Variants in UBE2E2 observed in about 807,000 individuals in gnomAD.
The protein encoded by UBE2E2 is ubiquitin conjugating enzyme E2 E2.
A neutral mutation model predicts 24.7 loss-of-function variants in UBE2E2; 6 were observed. That is an observed-to-expected ratio of 0.24 (90% CI 0.13 to 0.48). The LOEUF (loss-of-function observed/expected upper bound fraction) is 0.48. Among genes scored for constraint, UBE2E2 ranks in the 20% least tolerant of loss-of-function variants. The pLI is 0.99. For missense variants in UBE2E2, 169 were observed against 245.0 expected (o/e 0.69, Z 2.07); for synonymous variants, 104 against 83.6 (o/e 1.24, Z -1.33).
chr3:23,590,317 C>A lies in UBE2E2; in HGVS notation c.*486C>A, dbSNP rs1240506770. On this transcript the variant is annotated 3_prime_UTR_variant, in exon 6 of 6. Coordinates refer to ENST00000396703, the MANE Select transcript of UBE2E2 (RefSeq NM_152653.4). The stretch of plus-strand genomic sequence containing the variant: ...TAGGGTTAATTTTTTGTACTGAAGT[C>A]TTTATTGGTGGGTGCATGCTACTGG... 6.4e-6 allele frequency: 1 copy of A among 155,360 alleles called. No individual in the cohort carries two copies. The highest frequency in any genetic ancestry group is 6.3e-5 in the Admixed American group (1 of 15,908). 9.6% of individuals were successfully genotyped at this position (155,360 alleles called of 1,614,324 possible). A position where few individuals can be genotyped will look rare whatever the true frequency, so the allele number is the denominator to read the frequency against.
At chr3:23,266,123 A>C (rs1698041786) in intron 3 of UBE2E2, among the ~76,000 whole-genome samples, 2 of 152,202 alleles carry the variant, frequency 1.3e-5, no homozygotes, top group African/African-American at 4.8e-5. Context: ...GTGTCTTTTA[A>C]TTTGAGCATT....
chr3:23,483,875 TTTATTCAAAGA>T (rs1056141854), intron 3 of UBE2E2, among the ~76,000 whole-genome samples: 7 of 152,290 alleles, frequency 4.6e-5, no homozygotes, highest in Admixed American at 3.9e-4. Flanking sequence ...GTGGACTCCT[TTTATTCAAAGA>T]GTATTTAAAG....
chr3:23,244,923 A>G (rs1399090780), intron 3 of UBE2E2, among the ~76,000 whole-genome samples: 1 of 152,154 alleles, frequency 6.6e-6, no homozygotes, highest in Admixed American at 6.5e-5. Flanking sequence ...TGATTTATTT[A>G]ATTATAGAAT....
Position 23,406,895 on chromosome 3 carries a change from C to T in UBE2E2, c.228-92713C>T, listed in dbSNP as rs548918405. On this transcript the variant is annotated intron_variant, in intron 3 of 5. Transcript: ENST00000396703. ...CTAAACTGTGCCACAGAGTATTCAA[C>T]TTAATTCACTTAGCTCTCTTGGCAC... 2.6e-5 allele frequency among the ~76,000 whole-genome samples: 4 copies of T among 152,312 alleles called. No homozygotes were observed. In the South Asian group the frequency reaches 8.3e-4, roughly 32 times the overall value.
intron 5 of UBE2E2, among the ~76,000 whole-genome samples, chr3:23,580,549 T>A (rs1365563881): frequency 6.6e-6 from 1 of 152,246 alleles, no homozygotes; most frequent in Non-Finnish European, 1.5e-5. Context: ...CCAAAAAATA[T>A]GTGTGACTCA....
At chr3:23,285,760 T>G (rs1698602185) in intron 3 of UBE2E2, among the ~76,000 whole-genome samples, 1 of 152,184 alleles carries the variant, frequency 6.6e-6, no homozygotes, top group Non-Finnish European at 1.5e-5. Context: ...AGGTGTGCAG[T>G]GGCTCTCACT....
At chr3:23,545,567 C>A (rs1695503909) in intron 5 of UBE2E2, among the ~76,000 whole-genome samples, 2 of 152,138 alleles carry the variant, frequency 1.3e-5, no homozygotes, top group Admixed American at 6.5e-5. Flanking sequence ...AATGGAGTCT[C>A]CTATGTCTAC....
chr3:23,216,506 A>G (rs1305048830), intron 2 of UBE2E2, among the ~76,000 whole-genome samples: 1 of 152,148 alleles, frequency 6.6e-6, no homozygotes, highest in African/African-American at 2.4e-5. Flanking sequence ...ATTTTTTGGT[A>G]TTTGATTTAA....
At chr3:23,372,593 G>T (rs1332020926) in intron 3 of UBE2E2, among the ~76,000 whole-genome samples, 2 of 152,144 alleles carry the variant, frequency 1.3e-5, no homozygotes, top group Admixed American at 6.5e-5. Flanking sequence ...GCACCATGGG[G>T]TCTGTACAGT....
chr3:23,290,354 T>C (rs1467026938), intron 3 of UBE2E2, among the ~76,000 whole-genome samples: 2 of 152,214 alleles, frequency 1.3e-5, no homozygotes, highest in East Asian at 3.8e-4. Context: ...TCTGAGACTG[T>C]AATGTATGTG....
chr3:23,389,447 T>C (rs2125359345), intron 3 of UBE2E2, among the ~76,000 whole-genome samples: 1 of 152,276 alleles, frequency 6.6e-6, no homozygotes, highest in South Asian at 2.1e-4. Flanking sequence ...CCGTCTTCCC[T>C]CCCAAGACAT....
At chr3:23,249,653 ATTT>A (rs201067293) in intron 3 of UBE2E2, among the ~76,000 whole-genome samples, 1 of 148,612 alleles carries the variant, frequency 6.7e-6, no homozygotes, top group African/African-American at 2.5e-5. Flanking sequence ...ATTAACTCAG[ATTT>A]TTTTTTTTTT....
At chr3:23,467,561 G>A (rs970003205) in intron 3 of UBE2E2, among the ~76,000 whole-genome samples, 1 of 152,112 alleles carries the variant, frequency 6.6e-6, no homozygotes, top group Non-Finnish European at 1.5e-5. Flanking sequence ...ATTAATGTAG[G>A]ATACTATAAA....
chr3:23,315,190 C>G (rs922740449), intron 3 of UBE2E2, among the ~76,000 whole-genome samples: 1 of 152,140 alleles, frequency 6.6e-6, no homozygotes, highest in African/African-American at 2.4e-5. Context: ...CCACTCTTCC[C>G]CTCCCCTTTC....
At chr3:23,447,126 A>G (rs1559386446) in intron 3 of UBE2E2, among the ~76,000 whole-genome samples, 1 of 152,118 alleles carries the variant, frequency 6.6e-6, no homozygotes, top group Admixed American at 6.5e-5. Context: ...AGTACTTACA[A>G]CAGTAGTAGT....
At chr3:23,246,207 C>T (rs1697392408) in intron 3 of UBE2E2, among the ~76,000 whole-genome samples, 1 of 146,530 alleles carries the variant, frequency 6.8e-6, no homozygotes, top group Non-Finnish European at 1.5e-5. Context: ...AGGTGTATGC[C>T]ACCATGCGTG....
In UBE2E2 at chr3:23,554,649, T is replaced by C. The variant is rs141317377; in HGVS notation, c.508+21948T>C. On this transcript the variant is annotated intron_variant, in intron 5 of 5. Transcript: ENST00000396703. ...CGAAGAAAACGTGGGTAAAAGCTCC[T>C]TGACATTAGCCTTGGCAATGATTTC... Among the ~76,000 whole-genome samples, 345 of 152,304 alleles carry C rather than the reference T, an allele frequency of 2.3e-3. 3 individuals carry two copies. The highest frequency in any genetic ancestry group is 7.9e-3 in the African/African-American group (329 of 41,570).
intron 5 of UBE2E2, among the ~76,000 whole-genome samples, chr3:23,579,510 C>A (rs1198996702): frequency 1.3e-5 from 2 of 151,282 alleles, no homozygotes; most frequent in African/African-American, 4.9e-5. Flanking sequence ...GGCAACATAG[C>A]AAGACCCTTT....
intron 3 of UBE2E2, among the ~76,000 whole-genome samples, chr3:23,442,582 T>A (rs937054261): frequency 1.1e-4 from 16 of 152,242 alleles, no homozygotes; most frequent in African/African-American, 3.9e-4. Context: ...CATAAGGCAC[T>A]GAGCTTTCTG....
Sources: allele counts gnomAD v4.1 joint callset (sites outside exome capture counted in the v4.1 genomes callset), GRCh38; gene constraint gnomAD v4.1.1; transcripts MANE v1.5; gene names NCBI Gene and HGNC (gene_info 2026-07-23, HGNC 2026-07-21).